NSUN6: variants seen among roughly 807,000 people sequenced by gnomAD.
NSUN6 encodes the protein tRNA (cytosine(72)-C(5))-methyltransferase NSUN6.
NSUN6 carries 64 observed loss-of-function variants against 58.0 expected under a neutral mutation model. The ratio of observed to expected loss-of-function variants is 1.10; its 90% CI spans 0.90 to 1.36. NSUN6 has a LOEUF of 1.36. NSUN6 is among the 40% of genes most tolerant of loss of function. The pLI, the probability that NSUN6 is intolerant of heterozygous loss-of-function variation, is 0.00. For synonymous variants in NSUN6, 231 were observed against 193.9 expected (o/e 1.19, Z -1.59); for missense variants, 701 against 550.1 (o/e 1.27, Z -2.74).
chr10:18,547,337 G>C (rs965495739), intron 10 of NSUN6, among the ~76,000 whole-genome samples: 2 of 152,180 alleles, frequency 1.3e-5, no homozygotes, highest in Non-Finnish European at 2.9e-5. Flanking sequence ...TTTTGAGTGT[G>C]TGTATATTTC....
chr10:18,567,660 T>C (rs891642546), intron 8 of NSUN6, among the ~76,000 whole-genome samples: 5 of 150,606 alleles, frequency 3.3e-5, no homozygotes, highest in African/African-American at 9.7e-5. Context: ...CCATTCCTCA[T>C]TGCATTCCAT....
chr10:18,573,237 A>T (rs571879428), intron 8 of NSUN6, among the ~76,000 whole-genome samples: 5 of 144,692 alleles, frequency 3.5e-5, no homozygotes, highest in South Asian at 2.2e-4. Context: ...GTTTCATTTC[A>T]TTCTCCATTC....
At chr10:18,567,588 C>G (rs1470242926) in intron 8 of NSUN6, among the ~76,000 whole-genome samples, 1 of 148,966 alleles carries the variant, frequency 6.7e-6, no homozygotes, top group Non-Finnish European at 1.5e-5. Flanking sequence ...TTCTCCATAG[C>G]ATTCCATTCT....
At chr10:18,635,148 G>A (rs999662751) in intron 3 of NSUN6, among the ~76,000 whole-genome samples, 6 of 152,160 alleles carry the variant, frequency 3.9e-5, no homozygotes, top group African/African-American at 1.2e-4. Flanking sequence ...AGCCTCTGAT[G>A]AGCTTTTCTT....
At chr10:18,550,994 G>A (rs1385265881) in intron 9 of NSUN6, among the ~76,000 whole-genome samples, 1 of 152,102 alleles carries the variant, frequency 6.6e-6, no homozygotes, top group African/African-American at 2.4e-5. Flanking sequence ...CCAAAGTGCT[G>A]AGATGATGGG....
At chr10:18,615,456 T>G (rs2058376856) in intron 4 of NSUN6, among the ~76,000 whole-genome samples, 1 of 152,216 alleles carries the variant, frequency 6.6e-6, no homozygotes, top group South Asian at 2.1e-4. Context: ...ATAAATATTT[T>G]AGGCTTTGTA....
At chr10:18,630,149 T>C (rs1389707464) in intron 3 of NSUN6, among the ~76,000 whole-genome samples, 2 of 135,120 alleles carry the variant, frequency 1.5e-5, no homozygotes, top group South Asian at 2.7e-4. Context: ...TGCTCCTGAA[T>C]GACTACTGGG....
rs2054631850 is a variant in NSUN6, at chr10:18,551,952, T to G, written c.942A>C (p.Pro314=). 1 of 1,605,628 alleles carries G rather than the reference T, an allele frequency of 6.2e-7. No homozygotes were observed. The highest frequency in any genetic ancestry group is 1.7e-5 in the Admixed American group (1 of 59,796). Residue 314 remains proline (P), a synonymous_variant, in exon 9 of 11, where the codon CCA becomes CCC. Coordinates refer to ENST00000377304, the MANE Select transcript of NSUN6 (RefSeq NM_182543.5). Reference sequence around the variant, plus strand: ...CCAGAAGAATTCGGTCAAAGGATTCTGGTAGAAATGGAGGTTCTCCTATAA... The same window carrying G: ...CCAGAAGAATTCGGTCAAAGGATTCGGGTAGAAATGGAGGTTCTCCTATAA... ...EDTEGEPPFL[P]ESFDRILLDA...
At chr10:18,616,110 T>C (rs45452100) in intron 4 of NSUN6, 74 bp downstream of exon 4, 52,423 of 890,076 alleles carry the variant, frequency 0.059, 2,077 homozygotes, top group Non-Finnish European at 0.079. Context: ...TAGTGACAAA[T>C]CAATAAATTT....
chr10:18,608,992 T>C (rs945780547), intron 6 of NSUN6, among the ~76,000 whole-genome samples: 2 of 152,192 alleles, frequency 1.3e-5, no homozygotes, highest in Non-Finnish European at 2.9e-5. Flanking sequence ...AATCCCTGAA[T>C]TCATAAAATG....
chr10:18,632,985 A>C (rs1010001115), intron 3 of NSUN6, among the ~76,000 whole-genome samples: 3 of 152,138 alleles, frequency 2.0e-5, no homozygotes, highest in African/African-American at 4.8e-5. Flanking sequence ...TATTCACAAT[A>C]GCAAAGACTT....
At chr10:18,552,748 C>A (rs1341209727) in intron 8 of NSUN6, among the ~76,000 whole-genome samples, 3 of 149,946 alleles carry the variant, frequency 2.0e-5, no homozygotes, top group Non-Finnish European at 4.5e-5. Flanking sequence ...ATTCAATTCT[C>A]TACTCCATTC....
chr10:18,572,306 C>T (rs1160966526), intron 8 of NSUN6, among the ~76,000 whole-genome samples: 4 of 150,292 alleles, frequency 2.7e-5, no homozygotes, highest in African/African-American at 9.8e-5. Context: ...TCCACTCTCC[C>T]TTCCAGTTCA....
intron 3 of NSUN6, among the ~76,000 whole-genome samples, chr10:18,627,608 G>A (rs1304072201): frequency 3.3e-5 from 5 of 152,212 alleles, no homozygotes; most frequent in Non-Finnish European, 1.5e-5. Flanking sequence ...GGAAGCACAA[G>A]GGGTCAGGGA....
chr10:18,555,417 T>C (rs1250324103), intron 8 of NSUN6, among the ~76,000 whole-genome samples: 3 of 147,038 alleles, frequency 2.0e-5, no homozygotes, highest in Non-Finnish European at 4.5e-5. Flanking sequence ...GAATGGAGAA[T>C]GCTATGGAAT....
At chr10:18,654,188 T>C (rs2059753171), upstream of NSUN6, among the ~76,000 whole-genome samples, 1 of 152,062 alleles carries the variant, frequency 6.6e-6, no homozygotes, top group South Asian at 2.1e-4. Context: ...CTCCGCTTCC[T>C]GGGTTCAAGC....
Position 18,551,898 on chromosome 10 carries a change from T to C in NSUN6, c.996A>G (p.Arg332=). The C allele has an allele frequency of 1.2e-6, 2 of 1,612,734 alleles. No homozygotes were observed. Among genetic ancestry groups the C allele is most frequent in the East Asian group, 2.2e-5 (1 of 44,862 alleles). The change falls in exon 9 of 11, where the codon AGA becomes AGG. Residue 332 remains arginine (R), a synonymous_variant. Coordinates refer to ENST00000377304, the MANE Select transcript of NSUN6 (RefSeq NM_182543.5). ...CAGACCAAGTACAGGCCATGTTTGGTCTCTGTCCCATTCCACTACAGGGTG... is the reference window on the plus strand; with the variant it reads ...CAGACCAAGTACAGGCCATGTTTGGCCTCTGTCCCATTCCACTACAGGGTG... The part of the protein sequence containing the change: ...LDAPCSGMGQ[R]PNMACTWSVK...
chr10:18,627,771 T>C (rs1453400639), intron 3 of NSUN6, among the ~76,000 whole-genome samples: 1 of 152,248 alleles, frequency 6.6e-6, no homozygotes, highest in Non-Finnish European at 1.5e-5. Flanking sequence ...CCACGGAGTC[T>C]CGCTGATTGC....
chr10:18,551,244 T>TG (rs1554847994), intron 9 of NSUN6, among the ~76,000 whole-genome samples: 1 of 127,080 alleles, frequency 7.9e-6, no homozygotes. Context: ...GTCCTCTCAG[T>TG]TGTGTGTGTG....
Sources: allele counts gnomAD v4.1 joint callset (sites outside exome capture counted in the v4.1 genomes callset), GRCh38; gene constraint gnomAD v4.1.1; transcripts MANE v1.5; gene names NCBI Gene and HGNC (gene_info 2026-07-23, HGNC 2026-07-21).